The following OSBPL1A variants were observed in gnomAD, a reference collection of about 807,000 sequenced individuals.
OSBPL1A encodes oxysterol binding protein like 1A, also known as oxysterol-binding protein-related protein 1.
Under a neutral mutation model 137.1 loss-of-function variants are expected in OSBPL1A, and 80 were observed. The ratio of observed to expected loss-of-function variants is 0.58; its 90% CI spans 0.49 to 0.70. The LOEUF is 0.70. Among genes scored for constraint, OSBPL1A ranks in the 30% least tolerant of loss-of-function variants. The pLI is 0.00. For missense variants in OSBPL1A, 970 were observed against 1,129.4 expected (o/e 0.86, Z 2.02); for synonymous variants, 365 against 389.7 (o/e 0.94, Z 0.75).
intron 13 of OSBPL1A, chr18:24,311,638 G>A: frequency 2.5e-6 from 1 of 396,744 alleles, no homozygotes; most frequent in East Asian, 1.2e-4. Context: ...AATGTGCAGT[G>A]AAGTCATAAA....
intron 5 of OSBPL1A, among the ~76,000 whole-genome samples, chr18:24,338,629 A>G (rs2091222184): frequency 6.6e-6 from 1 of 152,214 alleles, no homozygotes; most frequent in African/African-American, 2.4e-5. Flanking sequence ...GTACTTGAGT[A>G]TAATTTCATT....
Position 24,178,188 on chromosome 18 carries a change from G to T in OSBPL1A, c.1918C>A (p.Leu640Ile). The change falls in exon 21 of 28, where the codon CTT becomes ATT. Residue 640 changes from leucine to isoleucine, a missense_variant. Physicochemically the swap from Leu to Ile is conservative, Grantham distance 5. Transcript: ENST00000319481. ...TGTTCGGAGATGAGTCTAAATCCAA[G>T]GTCATCTCTTAAGATTTAAAAAAAA... is the stretch of plus-strand genomic sequence containing the variant. ...GETYELVRDD[L>I]GFRLISEQVS... The T allele has an allele frequency of 6.6e-7, 1 of 1,518,884 alleles. No individual in the cohort carries two copies. Among genetic ancestry groups the T allele is most frequent in the Non-Finnish European group, 8.9e-7 (1 of 1,124,746 alleles). 94.1% of individuals were successfully genotyped at this position (1,518,884 alleles called of 1,614,324 possible).
At chr18:24,382,583 T>C (rs1282630337) in intron 1 of OSBPL1A, among the ~76,000 whole-genome samples, 2 of 151,646 alleles carry the variant, frequency 1.3e-5, no homozygotes, top group African/African-American at 4.8e-5. Context: ...AAAAAAATTT[T>C]TTTTAATAAA....
intron 4 of OSBPL1A, among the ~76,000 whole-genome samples, chr18:24,342,922 C>T (rs1451721667): frequency 2.6e-5 from 4 of 151,772 alleles, no homozygotes; most frequent in African/African-American, 7.2e-5. Context: ...TTTAAAATAT[C>T]CTAATATTTT....
chr18:24,306,938 T>C (rs140531638), intron 13 of OSBPL1A, among the ~76,000 whole-genome samples: 1 of 151,964 alleles, frequency 6.6e-6, no homozygotes, highest in East Asian at 1.9e-4. Flanking sequence ...TCTTCCTAAC[T>C]CCAGCCAAAT....
intron 1 of OSBPL1A, among the ~76,000 whole-genome samples, chr18:24,391,965 C>G (rs1215627037): frequency 1.3e-5 from 2 of 152,042 alleles, no homozygotes; most frequent in Non-Finnish European, 2.9e-5. Flanking sequence ...AAGTGATCCT[C>G]CCACCTCAGC....
chr18:24,244,701 G>A (rs1009971488), intron 15 of OSBPL1A, among the ~76,000 whole-genome samples: 5 of 152,132 alleles, frequency 3.3e-5, no homozygotes, highest in Non-Finnish European at 2.9e-5. Context: ...AGGCCAGAAG[G>A]CAAAATCCAT....
At chr18:24,356,428 C>G (rs2091536215) in intron 4 of OSBPL1A, among the ~76,000 whole-genome samples, 1 of 152,172 alleles carries the variant, frequency 6.6e-6, no homozygotes, top group South Asian at 2.1e-4. Flanking sequence ...AAGGTCCAAA[C>G]TGGCACTGAC....
At chr18:24,346,688 A>G (rs576671549) in intron 4 of OSBPL1A, among the ~76,000 whole-genome samples, 1 of 152,308 alleles carries the variant, frequency 6.6e-6, no homozygotes, top group African/African-American at 2.4e-5. Flanking sequence ...TGACTATACC[A>G]CATGTTTATC....
chr18:24,250,456 G>A (rs545179263), intron 15 of OSBPL1A, among the ~76,000 whole-genome samples: 75 of 152,288 alleles, frequency 4.9e-4, no homozygotes, highest in Middle Eastern at 3.4e-3. Context: ...GATTACAGGC[G>A]TGAGCCACTG....
intron 1 of OSBPL1A, among the ~76,000 whole-genome samples, chr18:24,396,244 C>G (rs368730026): frequency 6.9e-6 from 1 of 145,600 alleles, no homozygotes; most frequent in African/African-American, 2.6e-5. Context: ...AAAAAAGAGA[C>G]AGAGAAATCA....
At chr18:24,358,162 T>G (rs899901518) in intron 4 of OSBPL1A, 6 of 421,652 alleles carry the variant, frequency 1.4e-5, no homozygotes, top group Middle Eastern at 1.2e-3. Flanking sequence ...TGTCCAATTT[T>G]TATGGTAAAT....
At chr18:24,223,780 C>T (rs1234416737) in intron 17 of OSBPL1A, among the ~76,000 whole-genome samples, 3 of 152,106 alleles carry the variant, frequency 2.0e-5, no homozygotes, top group Non-Finnish European at 4.4e-5. Flanking sequence ...AAGCACAATG[C>T]TTTTTCTGAT....
chr18:24,314,974 G>A (rs2090691986), intron 11 of OSBPL1A, among the ~76,000 whole-genome samples: 1 of 152,132 alleles, frequency 6.6e-6, no homozygotes, highest in African/African-American at 2.4e-5. Flanking sequence ...TTAAGAATGG[G>A]AAAAGGTAGA....
chr18:24,255,447 C>T lies in OSBPL1A; in HGVS notation c.1282-16065G>A, dbSNP rs114705677. 9.2e-3 allele frequency among the ~76,000 whole-genome samples: 1,395 copies of T among 152,242 alleles called. 17 individuals carry two copies. The highest frequency in any genetic ancestry group is 0.031 in the African/African-American group (1,289 of 41,548). On this transcript the variant is annotated intron_variant, in intron 15 of 27. Coordinates refer to ENST00000319481, the MANE Select transcript of OSBPL1A (RefSeq NM_080597.4). ...CTGCTTAGGGCCAGCCTGCCTCCCA[C>T]TCTATTCAAAGTGTCCCCTCTCCTC...
chr18:24,219,832 TTTGTGAAGG>T (rs2087828366), intron 17 of OSBPL1A, among the ~76,000 whole-genome samples: 1 of 152,126 alleles, frequency 6.6e-6, no homozygotes, highest in Non-Finnish European at 1.5e-5. Context: ...TCAACTTGGG[TTTGTGAAGG>T]TAATTCTCAT....
intron 5 of OSBPL1A, among the ~76,000 whole-genome samples, chr18:24,338,441 C>A: frequency 6.6e-6 from 1 of 152,074 alleles, no homozygotes; most frequent in Non-Finnish European, 1.5e-5. Flanking sequence ...TAGTGCCTAA[C>A]AATAGTCTAT....
chr18:24,351,839 C>G (rs1316934058), intron 4 of OSBPL1A, among the ~76,000 whole-genome samples: 1 of 152,196 alleles, frequency 6.6e-6, no homozygotes, highest in Non-Finnish European at 1.5e-5. Flanking sequence ...TGTGCCCAGC[C>G]TGCAATTGTT....
chr18:24,199,827 G>A (rs1253505983), intron 17 of OSBPL1A, among the ~76,000 whole-genome samples: 1 of 152,076 alleles, frequency 6.6e-6, no homozygotes, highest in African/African-American at 2.4e-5. Context: ...ACCAGTCAGG[G>A]CACAGAAAGG....
Sources: allele counts gnomAD v4.1 joint callset (sites outside exome capture counted in the v4.1 genomes callset), GRCh38; gene constraint gnomAD v4.1.1; transcripts MANE v1.5; gene names NCBI Gene and HGNC (gene_info 2026-07-23, HGNC 2026-07-21).